Variants in TBCK observed in about 807,000 individuals in gnomAD.
TBCK encodes TBC domain-containing protein kinase-like protein.
In TBCK, 99 loss-of-function variants were observed where a neutral mutation model predicts 113.4. The observed-to-expected ratio is 0.87, with a 90% CI of 0.74 to 1.03. The LOEUF is 1.03. Among genes scored for constraint, TBCK ranks in the 50% least tolerant of loss-of-function variants. The pLI, the probability that TBCK is intolerant of heterozygous loss-of-function variation, is 0.00. For synonymous variants in TBCK, 369 were observed against 370.8 expected (o/e 1.00, Z 0.05); for missense variants, 1,045 against 1,061.3 (o/e 0.98, Z 0.21).
intron 25 of TBCK, among the ~76,000 whole-genome samples, chr4:106,072,905 G>A (rs1737652958): frequency 6.6e-6 from 1 of 152,116 alleles, no homozygotes; most frequent in Non-Finnish European, 1.5e-5. Context: ...TGAAGCTTGT[G>A]CATGTGTCAC....
At chr4:106,261,301 G>GAGAC (rs1762482752) in intron 4 of TBCK, among the ~76,000 whole-genome samples, 1 of 151,778 alleles carries the variant, frequency 6.6e-6, no homozygotes, top group Admixed American at 6.6e-5. Flanking sequence ...TTGTTTTTTA[G>GAGAC]AGACAGGGTC....
intron 22 of TBCK, among the ~76,000 whole-genome samples, chr4:106,178,830 A>G (rs530106643): frequency 6.6e-6 from 1 of 151,852 alleles, no homozygotes; most frequent in South Asian, 2.1e-4. Context: ...GAGAATTTGC[A>G]TTAGTTCTTT....
At chr4:106,172,011 T>C (rs1751089127) in intron 22 of TBCK, among the ~76,000 whole-genome samples, 1 of 152,022 alleles carries the variant, frequency 6.6e-6, no homozygotes, top group African/African-American at 2.4e-5. Context: ...TTTGTATTTT[T>C]AGTAGACATG....
intron 25 of TBCK, among the ~76,000 whole-genome samples, chr4:106,078,117 T>A (rs1738433772): frequency 6.6e-6 from 1 of 151,978 alleles, no homozygotes. Flanking sequence ...AACATACCAG[T>A]TTGGGACACA....
chr4:106,046,650 G>A lies in TBCK; in HGVS notation c.2602C>T (p.Pro868Ser). 6.2e-7 allele frequency: 1 copy of A among 1,611,652 alleles called. No individual in the cohort carries two copies. Among genetic ancestry groups the A allele is most frequent in the Non-Finnish European group, 8.5e-7 (1 of 1,178,420 alleles). The change falls in exon 26 of 26, where the codon CCA becomes TCA. Residue 868 changes from proline to serine, a missense_variant. Physicochemically the swap from Pro to Ser is moderately conservative, Grantham distance 74. Transcript: ENST00000394708. ...CCACCATCTAGAATACAGATTCTTG[G>A]ATATTTCATCTTCACAAGGTGAGCT... ...FAAHLVKMKYPRICILDGGIN... is the reference protein window; with the variant it reads ...FAAHLVKMKYSRICILDGGIN...
chr4:106,236,583 T>G, intron 13 of TBCK, 64 bp from the exon 14 acceptor site: 8 of 1,323,048 alleles, frequency 6.0e-6, no homozygotes, highest in Non-Finnish European at 6.9e-6. Flanking sequence ...TTTTCTTTTT[T>G]TTTCCTAACT....
At chr4:106,246,634 G>C (rs1035715941) in intron 10 of TBCK, among the ~76,000 whole-genome samples, 3 of 152,070 alleles carry the variant, frequency 2.0e-5, no homozygotes, top group Admixed American at 6.6e-5. Context: ...TTAAAGGCTA[G>C]AGGCACAGGC....
intron 6 of TBCK, 143 bp downstream of exon 6, chr4:106,251,723 G>A (rs560253648): frequency 8.5e-6 from 6 of 705,172 alleles, no homozygotes; most frequent in East Asian, 3.1e-5. Flanking sequence ...TATCAAACAT[G>A]ATTAAGTCAA....
intron 22 of TBCK, among the ~76,000 whole-genome samples, chr4:106,185,115 T>A (rs1280680551): frequency 6.6e-6 from 1 of 152,094 alleles, no homozygotes; most frequent in African/African-American, 2.4e-5. Context: ...CCAAGTTCAA[T>A]AAGCAGTTTT....
intron 3 of TBCK, among the ~76,000 whole-genome samples, chr4:106,287,565 AGT>A (rs1765239532): frequency 6.6e-6 from 1 of 152,224 alleles, no homozygotes; most frequent in South Asian, 2.1e-4. Context: ...CAGGAATAAC[AGT>A]GTGTGTTTGT....
chr4:106,252,792 G>A (rs776014726), intron 5 of TBCK, among the ~76,000 whole-genome samples: 18 of 152,000 alleles, frequency 1.2e-4, no homozygotes, highest in Non-Finnish European at 2.4e-4. Context: ...TTCCAAGATC[G>A]TAAGGTATGT....
chr4:106,216,332 C>A (rs1756913246), intron 19 of TBCK, among the ~76,000 whole-genome samples: 2 of 151,838 alleles, frequency 1.3e-5, no homozygotes, highest in South Asian at 4.2e-4. Context: ...CAAACACATT[C>A]AAAAGCTAGC....
At position 106,213,884 on chromosome 4, in the gene TBCK, C is replaced by T. The variant is rs376633624; in HGVS notation, c.1775-1049G>A. On this transcript the variant is annotated intron_variant, in intron 19 of 25. Coordinates refer to ENST00000394708, the MANE Select transcript of TBCK (RefSeq NM_001163435.3). ...GCCTACCACAGCTCAAGGAGGCCTG[C>T]GTGCCTCTGTAGGCTCCACCTCTGG... The T allele has an allele frequency of 1.3e-3, 193 of 153,798 alleles. 6 individuals carry two copies. The East Asian group carries it at 0.033, about 26-fold the overall frequency. The allele number at this position is 153,798 out of a possible 1,614,324, so 9.5% of individuals were successfully genotyped here.
intron 19 of TBCK, among the ~76,000 whole-genome samples, chr4:106,224,172 CAG>C (rs1757990028): frequency 6.6e-6 from 1 of 151,724 alleles, no homozygotes; most frequent in Non-Finnish European, 1.5e-5. Flanking sequence ...TTTAAAAAAA[CAG>C]GGTATCTTGA....
At chr4:106,278,842 T>C (rs1469598326) in intron 3 of TBCK, among the ~76,000 whole-genome samples, 1 of 151,902 alleles carries the variant, frequency 6.6e-6, no homozygotes, top group African/African-American at 2.4e-5. Flanking sequence ...ATTTTAAGGA[T>C]GCATAATGTA....
chr4:106,210,274 G>A (rs1449028307), intron 20 of TBCK, among the ~76,000 whole-genome samples: 1 of 152,070 alleles, frequency 6.6e-6, no homozygotes, highest in Admixed American at 6.5e-5. Flanking sequence ...TTTCTCTCTT[G>A]TAATGTAATC....
At chr4:106,164,677 G>A (rs1750166026) in intron 23 of TBCK, among the ~76,000 whole-genome samples, 1 of 151,596 alleles carries the variant, frequency 6.6e-6, no homozygotes, top group Non-Finnish European at 1.5e-5. Context: ...TTGTTTAGGG[G>A]GAGATAAAAA....
chr4:106,244,662 A>T lies in TBCK; in HGVS notation c.1034T>A (p.Ile345Asn). ...DLEKELVNKEIIRSKPPICTL... is the reference protein window; with the variant it reads ...DLEKELVNKENIRSKPPICTL... ...GCAGATAGGTGGTTTGGATCGAATG[A>T]TTTCCTTGTTGACAAGCTCTTTCTC... is the stretch of plus-strand genomic sequence containing the variant. The change falls in exon 11 of 26, where the codon ATC becomes AAC. Residue 345 changes from isoleucine (I) to asparagine (N), a missense_variant. By Grantham distance (149) the Ile-to-Asn change is moderately radical. Coordinates refer to ENST00000394708, the MANE Select transcript of TBCK (RefSeq NM_001163435.3). 1 of 1,612,202 alleles carries T rather than the reference A, an allele frequency of 6.2e-7. No individual in the cohort carries two copies. Among genetic ancestry groups the T allele is most frequent in the South Asian group, 1.1e-5 (1 of 90,762 alleles).
chr4:106,242,396 G>A, intron 12 of TBCK, 74 bp downstream of exon 12: 1 of 1,117,640 alleles, frequency 8.9e-7, no homozygotes. Flanking sequence ...AGGCATACAA[G>A]ATTTCTTGTG....
Sources: gnomAD v4.1 joint callset for allele counts (sites outside exome capture counted in the v4.1 genomes callset) on GRCh38, gnomAD v4.1.1 for gene constraint, MANE v1.5 for transcripts, NCBI Gene and HGNC (gene_info 2026-07-23, HGNC 2026-07-21) for gene names.